Variants in OCA2 observed in about 807,000 individuals in gnomAD.
OCA2 encodes the protein OCA2 melanosomal transmembrane protein.
OCA2 carries 77 observed loss-of-function variants against 100.2 expected under a neutral mutation model. The observed-to-expected ratio is 0.77, with a 90% CI of 0.64 to 0.93. The LOEUF (loss-of-function observed/expected upper bound fraction) is 0.93, where lower values mean the gene tolerates loss of function less well. Ranked by LOEUF, OCA2 falls within the 40% of genes least tolerant of loss-of-function variation. The pLI is 0.00. For missense variants in OCA2, 1,062 were observed against 1,089.1 expected (o/e 0.98, Z 0.35); for synonymous variants, 432 against 439.2 (o/e 0.98, Z 0.21).
At chr15:28,001,713 A>C (rs560324950) in intron 9 of OCA2, among the ~76,000 whole-genome samples, 1 of 152,346 alleles carries the variant, frequency 6.6e-6, no homozygotes, top group South Asian at 2.1e-4. Context: ...AAGGCACCCA[A>C]GCCACAGGAC....
At chr15:27,984,043 T>C (rs569618571) in intron 13 of OCA2, among the ~76,000 whole-genome samples, 1 of 151,652 alleles carries the variant, frequency 6.6e-6, no homozygotes, top group African/African-American at 2.4e-5. Context: ...ATGTAATAAT[T>C]CACATAATCA....
At chr15:27,876,976 A>G (rs2036817493) in intron 19 of OCA2, among the ~76,000 whole-genome samples, 1 of 151,838 alleles carries the variant, frequency 6.6e-6, no homozygotes, top group Non-Finnish European at 1.5e-5. Context: ...GTAGAACATT[A>G]GATTAGATAA....
chr15:28,014,735 T>C (rs768521917), intron 9 of OCA2, 41 bp downstream of exon 9: 9 of 1,603,742 alleles, frequency 5.6e-6, no homozygotes, highest in Non-Finnish European at 7.6e-6. Flanking sequence ...CCTCCCTGAC[T>C]GTGGGCCCAG....
intron 23 of OCA2, among the ~76,000 whole-genome samples, chr15:27,807,040 A>G (rs1448547125): frequency 2.6e-5 from 4 of 152,002 alleles, no homozygotes; most frequent in Non-Finnish European, 4.4e-5. Flanking sequence ...CTCTGGACCG[A>G]CCGGCCCTGC....
At chr15:28,050,557 T>G (rs963868145) in intron 2 of OCA2, among the ~76,000 whole-genome samples, 2 of 115,430 alleles carry the variant, frequency 1.7e-5, no homozygotes, top group Non-Finnish European at 3.1e-5. Context: ...TGAGACTCCA[T>G]CTCAAAAAAG....
At chr15:27,821,773 C>G (rs1432173230) in intron 23 of OCA2, among the ~76,000 whole-genome samples, 1 of 152,124 alleles carries the variant, frequency 6.6e-6, no homozygotes, top group Non-Finnish European at 1.5e-5. Flanking sequence ...GCACATTTGT[C>G]TATATGCACC....
intron 23 of OCA2, among the ~76,000 whole-genome samples, chr15:27,772,726 A>T (rs927956957): frequency 1.3e-5 from 2 of 151,974 alleles, no homozygotes; most frequent in Non-Finnish European, 2.9e-5. Flanking sequence ...CTGTAGTCCC[A>T]GCTCCTTGGG....
intron 2 of OCA2, among the ~76,000 whole-genome samples, chr15:28,067,825 G>A (rs1259317204): frequency 6.6e-6 from 1 of 152,150 alleles, no homozygotes; most frequent in African/African-American, 2.4e-5. Context: ...TTGTTGGAGT[G>A]TTCTGCAGAT....
downstream of OCA2, among the ~76,000 whole-genome samples, chr15:27,752,292 T>C (rs1426596161): frequency 6.6e-6 from 1 of 152,220 alleles, no homozygotes; most frequent in African/African-American, 2.4e-5. Flanking sequence ...CAACTGCCTG[T>C]GGCAGTCCAA....
intron 23 of OCA2, among the ~76,000 whole-genome samples, chr15:27,836,132 G>A (rs1476053200): frequency 6.6e-6 from 1 of 152,034 alleles, no homozygotes; most frequent in Non-Finnish European, 1.5e-5. Flanking sequence ...ACCTTTCTCA[G>A]GGCCACTGAT....
At chr15:27,938,813 G>A (rs780241830) in intron 18 of OCA2, among the ~76,000 whole-genome samples, 1 of 152,196 alleles carries the variant, frequency 6.6e-6, no homozygotes, top group Non-Finnish European at 1.5e-5. Context: ...CAGCTGCATC[G>A]ATGCACATGC....
intron 12 of OCA2, 128 bp from the exon 13 acceptor site, chr15:27,985,316 C>T (rs564504742): frequency 1.8e-6 from 2 of 1,093,366 alleles, no homozygotes; most frequent in South Asian, 1.3e-5. Flanking sequence ...AAGACATAGA[C>T]CCACGGAGTC....
chr15:27,960,449 G>A (rs2040369899), intron 15 of OCA2, among the ~76,000 whole-genome samples: 1 of 152,168 alleles, frequency 6.6e-6, no homozygotes, highest in Admixed American at 6.5e-5. Context: ...CTCTTGCCTT[G>A]TCTGCTTCTT....
intron 23 of OCA2, among the ~76,000 whole-genome samples, chr15:27,761,531 A>G (rs1053199409): frequency 2.0e-5 from 3 of 152,196 alleles, no homozygotes; most frequent in East Asian, 1.9e-4. Flanking sequence ...GGAAGACTCA[A>G]CATAGACAAA....
At chr15:28,086,240 T>G (rs1300839876) in intron 1 of OCA2, among the ~76,000 whole-genome samples, 2 of 152,068 alleles carry the variant, frequency 1.3e-5, no homozygotes, top group Non-Finnish European at 2.9e-5. Context: ...AAATGGAGAG[T>G]CAGGGCATTC....
intron 23 of OCA2, among the ~76,000 whole-genome samples, chr15:27,837,658 T>C (rs1258212234): frequency 6.6e-6 from 1 of 151,858 alleles, no homozygotes; most frequent in East Asian, 1.9e-4. Flanking sequence ...TGGAAAACGA[T>C]CCTGGTGGAT....
intron 1 of OCA2, among the ~76,000 whole-genome samples, chr15:28,082,316 A>T (rs999023193): frequency 2.0e-5 from 3 of 152,138 alleles, no homozygotes; most frequent in African/African-American, 7.2e-5. Context: ...CTCCCCTACT[A>T]ATCTGTGGAT....
At chr15:27,882,236 T>A (rs1674283226) in intron 19 of OCA2, among the ~76,000 whole-genome samples, 1 of 152,190 alleles carries the variant, frequency 6.6e-6, no homozygotes, top group South Asian at 2.1e-4. Flanking sequence ...GCATGAGCTC[T>A]GGCAATGTAA....
At chr15:27,817,150 T>C (rs1219684745) in intron 23 of OCA2, among the ~76,000 whole-genome samples, 1 of 152,196 alleles carries the variant, frequency 6.6e-6, no homozygotes, top group Non-Finnish European at 1.5e-5. Flanking sequence ...ATTTTTCGCC[T>C]TCTTTATTTA....
Sources: allele counts gnomAD v4.1 joint callset (sites outside exome capture counted in the v4.1 genomes callset), GRCh38; gene constraint gnomAD v4.1.1; transcripts MANE v1.5; gene names NCBI Gene and HGNC (gene_info 2026-07-23, HGNC 2026-07-21).